Variants in MRS2 observed in about 807,000 individuals in gnomAD.
MRS2 encodes magnesium transporter MRS2 homolog, mitochondrial.
Under a neutral mutation model 52.6 loss-of-function variants are expected in MRS2, and 40 were observed. The observed-to-expected ratio is 0.76, with a 90% CI of 0.59 to 0.99. The LOEUF (loss-of-function observed/expected upper bound fraction) is 0.99. Among genes scored for constraint, MRS2 ranks in the 50% least tolerant of loss-of-function variants. The pLI is 0.00. For synonymous variants in MRS2, 193 were observed against 195.9 expected (o/e 0.98, Z 0.13); for missense variants, 472 against 532.7 (o/e 0.89, Z 1.12).
rs2127300933 is a variant in MRS2, at chr6:24,425,127, CTT to C, written c.*1434_*1435del. 2 of 152,288 alleles carry C rather than the reference CTT, an allele frequency of 1.3e-5. No homozygotes were observed. The highest frequency in any genetic ancestry group is 3.9e-4 in the East Asian group (2 of 5,184). The allele number at this position is 152,288 out of a possible 1,614,324, so 9.4% of individuals were successfully genotyped here. ...CAGCACCCTCTAGCATTACGAATCT[CTT>C]AGGATTTTTAAGATTGTATTTGATA... On this transcript the variant is annotated 3_prime_UTR_variant, in exon 11 of 11. Transcript: ENST00000378386.
At chr6:24,404,042 TA>T (rs569423384) in intron 1 of MRS2, among the ~76,000 whole-genome samples, 299 of 152,352 alleles carry the variant, frequency 2.0e-3, no homozygotes, top group African/African-American at 6.7e-3. Flanking sequence ...ATTTGAGGAA[TA>T]AAAGGTATTG....
At chr6:24,422,895 A>G in intron 9 of MRS2, 42 bp from the exon 10 acceptor site, 1 of 1,348,150 alleles carries the variant, frequency 7.4e-7, no homozygotes, top group Non-Finnish European at 1.1e-6. Context: ...CTTCTAAGGA[A>G]CCTGGCGTTT....
chr6:24,409,551 A>G lies in MRS2; in HGVS notation c.392A>G (p.Asn131Ser). 1 of 1,598,654 alleles carries G rather than the reference A, an allele frequency of 6.3e-7. No individual in the cohort carries two copies. The highest frequency in any genetic ancestry group is 1.1e-5 in the South Asian group (1 of 89,504). The change falls in exon 4 of 11, where the codon AAT becomes AGT. Residue 131 changes from asparagine to serine, a missense_variant. Physicochemically the swap from Asn to Ser is conservative, Grantham distance 46. Coordinates refer to ENST00000378386, the MANE Select transcript of MRS2 (RefSeq NM_020662.4). ...QHVMSITVRN[N>S]RIIMRMEYLK... is the part of the protein sequence containing the mutation. The stretch of plus-strand genomic sequence containing the variant: ...GTAATGAGTATCACAGTCAGAAACA[A>G]TAGGATTATCATGAGAATGGAGGTA...
chr6:24,403,038 T>C lies in MRS2; in HGVS notation c.-9T>C. The C allele has an allele frequency of 6.3e-7, 1 of 1,596,084 alleles. No individual in the cohort carries two copies. Among genetic ancestry groups the C allele is most frequent in the Non-Finnish European group, 8.5e-7 (1 of 1,172,890 alleles). On this transcript the variant is annotated 5_prime_UTR_variant, in exon 1 of 11. Coordinates refer to ENST00000378386, the MANE Select transcript of MRS2 (RefSeq NM_020662.4). ...GGTCTGGCTGCTGCCTGCTTCTTGC[T>C]CCAGCACCATGGAATGCCTGCGCAG...
intron 1 of MRS2, among the ~76,000 whole-genome samples, chr6:24,403,686 T>A (rs1761365799): frequency 6.6e-6 from 1 of 152,230 alleles, no homozygotes; most frequent in Non-Finnish European, 1.5e-5. Context: ...CGCAAAGCGC[T>A]GGGATTACAG....
intron 1 of MRS2, 74 bp downstream of exon 1, chr6:24,403,310 G>T: frequency 7.2e-7 from 1 of 1,387,518 alleles, no homozygotes; most frequent in East Asian, 2.6e-5. Context: ...CCAGCCGTCC[G>T]GCGCGGCGCG....
At chr6:24,407,889 T>C (rs984990727) in intron 2 of MRS2, among the ~76,000 whole-genome samples, 2 of 152,190 alleles carry the variant, frequency 1.3e-5, no homozygotes, top group South Asian at 2.1e-4. Context: ...CAAAGGTGGA[T>C]GTGAGATTCA....
Position 24,425,378 on chromosome 6 carries a change from T to C in MRS2, c.*1684T>C, listed in dbSNP as rs988047522. 1 of 152,206 alleles carries C rather than the reference T, an allele frequency of 6.6e-6. No individual in the cohort carries two copies. The highest frequency in any genetic ancestry group is 1.5e-5 in the Non-Finnish European group (1 of 68,044). 9.4% of individuals were successfully genotyped at this position (152,206 alleles called of 1,614,324 possible). ...ACTTAGTTTATGAGCTTGGATAAAA[T>C]AATTTTTTGATGAATCATGTCAATA... On this transcript the variant is annotated 3_prime_UTR_variant, in exon 11 of 11. Transcript: ENST00000378386.
intron 5 of MRS2, 143 bp downstream of exon 5, chr6:24,412,538 A>G (rs773643886): frequency 1.9e-5 from 10 of 522,046 alleles, no homozygotes; most frequent in Non-Finnish European, 3.3e-5. Flanking sequence ...AGGATCCTAC[A>G]TGGAGATATC....
At chr6:24,416,993 GTTTACT>G (rs773954384) in intron 7 of MRS2, among the ~76,000 whole-genome samples, 5 of 152,146 alleles carry the variant, frequency 3.3e-5, no homozygotes, top group Non-Finnish European at 7.4e-5. Context: ...CCAGCTAAAT[GTTTACT>G]TTTAAATACC....
rs1457220222 is a variant in MRS2 at position 24,415,037 on chromosome 6, A to G, written c.593A>G (p.Asn198Ser). The change falls in exon 6 of 11, where the codon AAC (asparagine) becomes AGC (serine). Residue 198 changes from asparagine (N) to serine (S), a missense_variant. Physicochemically the swap from Asn to Ser is conservative, Grantham distance 46. Transcript: ENST00000378386. Reference sequence around the variant, plus strand: ...AAAGGTCATGTTGTTATCTAGATCAACACCCTTCAGGGGAAACTTAGCATT... The same window carrying G: ...AAAGGTCATGTTGTTATCTAGATCAGCACCCTTCAGGGGAAACTTAGCATT... ...AIEALLQYWI[N>S]TLQGKLSILQ... 6 of 1,605,504 alleles carry G rather than the reference A, an allele frequency of 3.7e-6. No individual in the cohort carries two copies. The highest frequency in any genetic ancestry group is 5.1e-6 in the Non-Finnish European group (6 of 1,173,816).
Position 24,412,277 on chromosome 6 carries a change from TA to T in MRS2, c.473del (p.Asn158ThrfsTer2), listed in dbSNP as rs1448672291. ...CTTCTGATATTAGATTATCGTAATT[TA>T]AACTTAGAGCAATGGCTGTTCCGGG... ...ECLLILDYRN[L>X]NLEQWLFREL... is the part of the protein sequence containing the mutation. On this transcript the variant is annotated frameshift_variant, in exon 5 of 11. Transcript: ENST00000378386. LOFTEE classifies it high-confidence loss of function. 2 of 1,606,180 alleles carry T rather than the reference TA, an allele frequency of 1.2e-6. No homozygotes were observed. Among genetic ancestry groups the T allele is most frequent in the South Asian group, 2.2e-5 (2 of 89,154 alleles).
chr6:24,416,422 A>G lies in MRS2; in HGVS notation c.745A>G (p.Lys249Glu). 6.4e-7 allele frequency: 1 copy of G among 1,557,644 alleles called. No homozygotes were observed. Among genetic ancestry groups the G allele is most frequent in the Non-Finnish European group, 8.8e-7 (1 of 1,130,644 alleles). ...TCTATCAGAGTTAGAAACAGATATT[A>G]AAATTTTCAAAGAGTCAATTTTGGA... ...KSLSELETDIKIFKESILEIL... is the reference protein window; with the variant it reads ...KSLSELETDIEIFKESILEIL... Residue 249 changes from lysine to glutamate, a missense_variant, in exon 7 of 11, where the codon AAA (lysine) becomes GAA (glutamate). Transcript: ENST00000378386.
intron 4 of MRS2, 107 bp downstream of exon 4, chr6:24,409,680 T>C (rs1761589179): frequency 3.1e-6 from 2 of 650,306 alleles, no homozygotes; most frequent in South Asian, 4.4e-5. Flanking sequence ...GGAATAGAAA[T>C]AGCTACCTGA....
At chr6:24,414,553 T>C (rs374307175) in intron 5 of MRS2, among the ~76,000 whole-genome samples, 23 of 152,190 alleles carry the variant, frequency 1.5e-4, no homozygotes, top group African/African-American at 4.8e-4. Flanking sequence ...TACTTCTTTC[T>C]ACACAGACAC....
intron 5 of MRS2, among the ~76,000 whole-genome samples, chr6:24,412,841 C>G (rs1019375034): frequency 1.3e-5 from 2 of 152,098 alleles, no homozygotes; most frequent in Non-Finnish European, 2.9e-5. Flanking sequence ...CTTCCCTGAC[C>G]CCACAAATCT....
intron 9 of MRS2, chr6:24,418,831 G>C: frequency 6.1e-6 from 2 of 330,418 alleles, no homozygotes; most frequent in Non-Finnish European, 1.2e-5. Flanking sequence ...CCCGGGAGGC[G>C]GAGGTTGCAG....
At chr6:24,405,097 G>A in intron 1 of MRS2, 71 bp from the exon 2 acceptor site, 2 of 1,077,782 alleles carry the variant, frequency 1.9e-6, no homozygotes, top group Non-Finnish European at 2.9e-6. Context: ...CACATACTTT[G>A]AGAGTTGTAT....
chr6:24,404,515 CACAAA>C (rs1338876894), intron 1 of MRS2, among the ~76,000 whole-genome samples: 1 of 152,028 alleles, frequency 6.6e-6, no homozygotes, highest in African/African-American at 2.4e-5. Context: ...ACTTTGGAAG[CACAAA>C]ACAGTGTCCT....
Sources: allele counts gnomAD v4.1 joint callset (sites outside exome capture counted in the v4.1 genomes callset), GRCh38; gene constraint gnomAD v4.1.1; transcripts MANE v1.5; gene names NCBI Gene and HGNC (gene_info 2026-07-23, HGNC 2026-07-21).